The following OR2C3 variants were observed in gnomAD, a reference collection of about 807,000 sequenced individuals.
The protein encoded by OR2C3 is olfactory receptor family 2 subfamily C member 3.
For missense variants in OR2C3, 425 were observed against 401.5 expected (o/e 1.06, Z -0.50); for synonymous variants, 178 against 163.4 (o/e 1.09, Z -0.68).
rs1249999908 is a variant in OR2C3 at position 247,532,515 on chromosome 1, A to G, written c.-4T>C. 6.8e-6 allele frequency: 11 copies of G among 1,611,254 alleles called. No homozygotes were observed. In the South Asian group the frequency reaches 9.9e-5, roughly 15 times the overall value. On this transcript the variant is annotated 5_prime_UTR_variant, in exon 3 of 3. Coordinates refer to ENST00000641802, the MANE Select transcript of OR2C3 (RefSeq NM_198074.6). Reference sequence around the variant, plus strand: ...TCACATTGGCTATTTCCATCATTGTATGCTGGGGGTGGGGCAAAAGGCCAC... The same window carrying G: ...TCACATTGGCTATTTCCATCATTGTGTGCTGGGGGTGGGGCAAAAGGCCAC...
Position 247,528,178 on chromosome 1 carries a change from T to C in OR2C3, c.*3371A>G, listed in dbSNP as rs1666757044. ...CCTAGAGTACCTGCTGTCTGCTTTT[T>C]TACTTCCCCTTCCCCCACCCCCAAG... On this transcript the variant is annotated 3_prime_UTR_variant, in exon 3 of 3. Transcript: ENST00000641802. 1 of 152,184 alleles carries C rather than the reference T, an allele frequency of 6.6e-6. No individual in the cohort carries two copies. The highest frequency in any genetic ancestry group is 2.4e-5 in the African/African-American group (1 of 41,436). 9.4% of individuals were successfully genotyped at this position (152,184 alleles called of 1,614,324 possible).
At position 247,531,660 on chromosome 1, in the gene OR2C3, A is replaced by T. The variant is rs769290000; in HGVS notation, c.852T>A (p.Pro284=). The change falls in exon 3 of 3, where the codon CCT becomes CCA. Residue 284 remains proline, a synonymous_variant. Transcript: ENST00000641802. The part of the protein sequence containing the change: ...FIALFYTVVT[P]ALNPLIYTLR... ...GGGTGTAAATAAGTGGGTTCAGCGC[A>T]GGAGTGACTACGGTGTAGAACAGAG... 6.2e-7 allele frequency: 1 copy of T among 1,614,082 alleles called. No individual in the cohort carries two copies. Among genetic ancestry groups the T allele is most frequent in the African/African-American group, 1.3e-5 (1 of 74,924 alleles).
Position 247,532,384 on chromosome 1 carries a change from T to G in OR2C3, c.128A>C (p.Asn43Thr). Residue 43 changes from asparagine to threonine, a missense_variant, in exon 3 of 3, where the codon AAT (asparagine) becomes ACT (threonine). Coordinates refer to ENST00000641802, the MANE Select transcript of OR2C3 (RefSeq NM_198074.6). ...ATGGGAGACCAGAATGATGATGCCA[T>G]TGCCCAAGATCGATACCATGTAAAA... ...LSFYMVSILG[N>T]GIIILVSHTD... is the part of the protein sequence containing the mutation. 1 of 1,614,192 alleles carries G rather than the reference T, an allele frequency of 6.2e-7. No homozygotes were observed.
In OR2C3 at chr1:247,529,684, G is replaced by C. The variant is rs1666830239; in HGVS notation, c.*1865C>G. On this transcript the variant is annotated 3_prime_UTR_variant, in exon 3 of 3. Coordinates refer to ENST00000641802, the MANE Select transcript of OR2C3 (RefSeq NM_198074.6). ...GGTTGGACTATGGTGCCCAGTTTTT[G>C]TTCAAACACAAGCCTCGGTGTTACT... 2 of 136,246 alleles carry C rather than the reference G, an allele frequency of 1.5e-5. No homozygotes were observed. The highest frequency in any genetic ancestry group is 1.5e-4 in the Admixed American group (2 of 13,722). The allele number at this position is 136,246 out of a possible 1,614,324, so 8.4% of individuals were successfully genotyped here.
intron 1 of OR2C3, among the ~76,000 whole-genome samples, chr1:247,534,455 C>T (rs945629582): frequency 6.6e-6 from 1 of 152,132 alleles, no homozygotes; most frequent in South Asian, 2.1e-4. Flanking sequence ...CTTGGAACTG[C>T]CAGAGTCATG....
Position 247,530,918 on chromosome 1 carries a change from C to A in OR2C3, c.*631G>T, listed in dbSNP as rs1274944122. On this transcript the variant is annotated 3_prime_UTR_variant, in exon 3 of 3. Transcript: ENST00000641802. ...GCCACCCGAAGGCGCTGAGTCCCGGCGGCTCGGCGCGGTCTTGGTCTGGGT... is the reference window on the plus strand; with the variant it reads ...GCCACCCGAAGGCGCTGAGTCCCGGAGGCTCGGCGCGGTCTTGGTCTGGGT... The A allele has an allele frequency of 6.6e-6, 1 of 152,476 alleles. No homozygotes were observed. The highest frequency in any genetic ancestry group is 6.5e-5 in the Admixed American group (1 of 15,298). The allele number at this position is 152,476 out of a possible 1,614,324, so 9.4% of individuals were successfully genotyped here. A position where few individuals can be genotyped will look rare whatever the true frequency, so the allele number is the denominator to read the frequency against.
At position 247,532,213 on chromosome 1, in the gene OR2C3, A is replaced by G. The variant is rs1667009076; in HGVS notation, c.299T>C (p.Val100Ala). The G allele has an allele frequency of 6.2e-7, 1 of 1,614,148 alleles. No individual in the cohort carries two copies. The highest frequency in any genetic ancestry group is 1.1e-5 in the South Asian group (1 of 91,082). The stretch of plus-strand genomic sequence containing the variant: ...CAGCCAATGGGAGATATAGAACTGG[A>G]CCACACACCCTCCATAGCTTATGGT... ...QKTISYGGCV[V>A]QFYISHWLGA... The change falls in exon 3 of 3, where the codon GTC becomes GCC. Residue 100 changes from valine to alanine, a missense_variant. Physicochemically the swap from Val to Ala is moderately conservative, Grantham distance 64. Transcript: ENST00000641802.
rs1553303199 is a variant in OR2C3 at position 247,531,678 on chromosome 1, GA to G, written c.833del (p.Phe278SerfsTer4). The G allele has an allele frequency of 6.2e-7, 1 of 1,614,076 alleles. No individual in the cohort carries two copies. The highest frequency in any genetic ancestry group is 8.5e-7 in the Non-Finnish European group (1 of 1,180,040). On this transcript the variant is annotated frameshift_variant, in exon 3 of 3. Coordinates refer to ENST00000641802, the MANE Select transcript of OR2C3 (RefSeq NM_198074.6). LOFTEE classifies it low-confidence loss of function (END_TRUNC). ...SHEQGKFIAL[F>X]YTVVTPALNP... ...TCAGCGCAGGAGTGACTACGGTGTA[GA>G]ACAGAGCTATGAACTTGCCCTGCTC...
At chr1:247,534,518 C>T (rs1479001254) in intron 1 of OR2C3, among the ~76,000 whole-genome samples, 2 of 152,146 alleles carry the variant, frequency 1.3e-5, no homozygotes, top group Admixed American at 6.6e-5. Context: ...AAAACGAGCA[C>T]GATTTAGCAG....
At position 247,531,056 on chromosome 1, in the gene OR2C3, C is replaced by CTCG; in HGVS notation, c.*492_*493insCGA. On this transcript the variant is annotated 3_prime_UTR_variant, in exon 3 of 3. Transcript: ENST00000641802. Reference sequence around the variant, plus strand: ...GAAGAGGTTCGCCGCGGCTTCAAGGCCTGGGCCGAGCGGGGGAGCCACAGC... The same window carrying CTCG: ...GAAGAGGTTCGCCGCGGCTTCAAGGCTCGCTGGGCCGAGCGGGGGAGCCACAGC... 6.3e-6 allele frequency: 1 copy of CTCG among 159,412 alleles called. No homozygotes were observed. 9.9% of individuals were successfully genotyped at this position (159,412 alleles called of 1,614,324 possible).
In OR2C3 at chr1:247,526,944, T is replaced by A; in HGVS notation, c.*4605A>T. 2.2e-6 allele frequency: 1 copy of A among 456,564 alleles called. No individual in the cohort carries two copies. The highest frequency in any genetic ancestry group is 1.6e-5 in the South Asian group (1 of 64,430). 28.3% of individuals were successfully genotyped at this position (456,564 alleles called of 1,614,324 possible). A position where few individuals can be genotyped will look rare whatever the true frequency, so the allele number is the denominator to read the frequency against. On this transcript the variant is annotated 3_prime_UTR_variant, in exon 3 of 3. Transcript: ENST00000641802. This position sits in a 1 kb window ranked among gnomAD's most constrained non-coding sequence, Gnocchi z 4.8. ...TCTTCTTTCACTTTCTTTCAGGATT[T>A]ACTGCCTCAAGATGGTTATGTTGGA...
At position 247,527,729 on chromosome 1, in the gene OR2C3, C is replaced by A. The variant is rs969896074; in HGVS notation, c.*3820G>T. 1 of 152,158 alleles carries A rather than the reference C, an allele frequency of 6.6e-6. No individual in the cohort carries two copies. The highest frequency in any genetic ancestry group is 2.4e-5 in the African/African-American group (1 of 41,430). The allele number at this position is 152,158 out of a possible 1,614,324, so 9.4% of individuals were successfully genotyped here. A position where few individuals can be genotyped will look rare whatever the true frequency, so the allele number is the denominator to read the frequency against. On this transcript the variant is annotated 3_prime_UTR_variant, in exon 3 of 3. Coordinates refer to ENST00000641802, the MANE Select transcript of OR2C3 (RefSeq NM_198074.6). The surrounding 1 kb of genome is among the most constrained non-coding windows in gnomAD (Gnocchi z 4.6). ...AATATCCATCATCTCAAACATTTAT[C>A]GTTTCTTCGTGCTGGGAACATTCAA...
At chr1:247,533,037 G>A (rs933237621) in intron 2 of OR2C3, among the ~76,000 whole-genome samples, 2 of 152,174 alleles carry the variant, frequency 1.3e-5, no homozygotes, top group Admixed American at 6.5e-5. Flanking sequence ...ATGAACCACT[G>A]TACAGGCATT....
rs1666853213 is a variant in OR2C3, at chr1:247,530,023, C to G, written c.*1526G>C. On this transcript the variant is annotated 3_prime_UTR_variant, in exon 3 of 3. Coordinates refer to ENST00000641802, the MANE Select transcript of OR2C3 (RefSeq NM_198074.6). Reference sequence around the variant, plus strand: ...CTCAATCTCTCTCACTCTTTTTTCTCTCTCTCCCCCTCAGGGTGTGTGTGT... The same window carrying G: ...CTCAATCTCTCTCACTCTTTTTTCTGTCTCTCCCCCTCAGGGTGTGTGTGT... 1 of 149,764 alleles carries G rather than the reference C, an allele frequency of 6.7e-6. No individual in the cohort carries two copies. Among genetic ancestry groups the G allele is most frequent in the Non-Finnish European group, 1.5e-5 (1 of 67,184 alleles). 9.3% of individuals were successfully genotyped at this position (149,764 alleles called of 1,614,324 possible).
rs745756237 is a variant in OR2C3, at chr1:247,532,359, A to T, written c.153T>A (p.His51Gln). The T allele has an allele frequency of 1.9e-6, 3 of 1,614,032 alleles. No homozygotes were observed. In the South Asian group the frequency reaches 3.3e-5, roughly 18 times the overall value. The change falls in exon 3 of 3, where the codon CAT becomes CAA. Residue 51 changes from histidine to glutamine, a missense_variant. Physicochemically the swap from His to Gln is conservative, Grantham distance 24. Transcript: ENST00000641802. ...TAGGTGTGTGGAGGTGCACATCTGTATGGGAGACCAGAATGATGATGCCAT... is the reference window on the plus strand; with the variant it reads ...TAGGTGTGTGGAGGTGCACATCTGTTTGGGAGACCAGAATGATGATGCCAT... ...LGNGIIILVS[H>Q]TDVHLHTPMY...
Position 247,530,100 on chromosome 1 carries a change from C to T in OR2C3, c.*1449G>A, listed in dbSNP as rs60234116. 3.2e-4 allele frequency: 49 copies of T among 151,708 alleles called. No individual in the cohort carries two copies. The highest frequency in any genetic ancestry group is 1.1e-3 in the African/African-American group (47 of 41,336). The allele number at this position is 151,708 out of a possible 1,614,324, so 9.4% of individuals were successfully genotyped here. On this transcript the variant is annotated 3_prime_UTR_variant, in exon 3 of 3. Coordinates refer to ENST00000641802, the MANE Select transcript of OR2C3 (RefSeq NM_198074.6). ...TTTTGGTTCTGTTTCTCTGGAGAAC[C>T]CTGACTAATACAGTGAATTGGAAGA...
rs1324300908 is a variant in OR2C3 at position 247,529,252 on chromosome 1, A to G, written c.*2297T>C. 2.6e-5 allele frequency: 4 copies of G among 152,316 alleles called. No individual in the cohort carries two copies. The highest frequency in any genetic ancestry group is 3.9e-4 in the East Asian group (2 of 5,184). The allele number at this position is 152,316 out of a possible 1,614,324, so 9.4% of individuals were successfully genotyped here. A position where few individuals can be genotyped will look rare whatever the true frequency, so the allele number is the denominator to read the frequency against. On this transcript the variant is annotated 3_prime_UTR_variant, in exon 3 of 3. Transcript: ENST00000641802. ...AGTGAACAAAGCCTTAATCATCACC[A>G]TGGCATCCCCTGCAATATCACCTGT...
rs971160345 is a variant in OR2C3, at chr1:247,526,215, C to T, written c.*5334G>A. 3 of 152,174 alleles carry T rather than the reference C, an allele frequency of 2.0e-5. No individual in the cohort carries two copies. Among genetic ancestry groups the T allele is most frequent in the Non-Finnish European group, 4.4e-5 (3 of 68,026 alleles). 9.4% of individuals were successfully genotyped at this position (152,174 alleles called of 1,614,324 possible). A position where few individuals can be genotyped will look rare whatever the true frequency, so the allele number is the denominator to read the frequency against. ...AGCCTGCTATTCCCTGGGTTAGTTT[C>T]TGAATTCTTGCATTCCTTTCTTACC... On this transcript the variant is annotated 3_prime_UTR_variant, in exon 3 of 3. Coordinates refer to ENST00000641802, the MANE Select transcript of OR2C3 (RefSeq NM_198074.6). This position sits in a 1 kb window ranked among gnomAD's most constrained non-coding sequence, Gnocchi z 4.8.
chr1:247,532,500 T>C lies in OR2C3; in HGVS notation c.12A>G (p.Ile4Met). 1 of 1,613,538 alleles carries C rather than the reference T, an allele frequency of 6.2e-7. No individual in the cohort carries two copies. The highest frequency in any genetic ancestry group is 8.5e-7 in the Non-Finnish European group (1 of 1,179,568). MME[I>M]ANVSSPEVFV... Reference sequence around the variant, plus strand: ...AGACTTCTGGAGAACTCACATTGGCTATTTCCATCATTGTATGCTGGGGGT... The same window carrying C: ...AGACTTCTGGAGAACTCACATTGGCCATTTCCATCATTGTATGCTGGGGGT... Residue 4 changes from isoleucine (I) to methionine (M), a missense_variant, in exon 3 of 3, where the codon ATA becomes ATG. Ile to Met is a conservative substitution (Grantham distance 10). Coordinates refer to ENST00000641802, the MANE Select transcript of OR2C3 (RefSeq NM_198074.6).
Sources: gnomAD v4.1 joint callset for allele counts (sites outside exome capture counted in the v4.1 genomes callset) on GRCh38, gnomAD v4.1.1 for gene constraint, Gnocchi (gnomAD v3.1) non-coding constraint, MANE v1.5 for transcripts, NCBI Gene and HGNC (gene_info 2026-07-23, HGNC 2026-07-21) for gene names.